PARM1: variants seen among roughly 807,000 people sequenced by gnomAD.
The protein encoded by PARM1 is WSC4, cell wall integrity and stress response component 4 homolog.
Under a neutral mutation model 24.6 loss-of-function variants are expected in PARM1, and 14 were observed. That is an observed-to-expected ratio of 0.57 (90% CI 0.38 to 0.89). The LOEUF is 0.89. PARM1 is among the 40% of genes least tolerant of loss of function. The probability of loss-of-function intolerance (pLI) is 0.00; values close to 1 mark genes in which losing one functional copy is unlikely to be tolerated. For synonymous variants in PARM1, 179 were observed against 156.6 expected (o/e 1.14, Z -1.07); for missense variants, 362 against 380.4 (o/e 0.95, Z 0.40).
At chr4:75,006,871 A>G (rs982806179) in intron 1 of PARM1, among the ~76,000 whole-genome samples, 1 of 152,218 alleles carries the variant, frequency 6.6e-6, no homozygotes, top group Non-Finnish European at 1.5e-5. Flanking sequence ...AAAATTGACA[A>G]ATGGGATCTA....
intron 1 of PARM1, among the ~76,000 whole-genome samples, chr4:74,944,443 G>GCTCTGA (rs1721370020): frequency 6.6e-6 from 1 of 152,128 alleles, no homozygotes; most frequent in South Asian, 2.1e-4. Context: ...TGTAAACAGA[G>GCTCTGA]GTGTGGCCCC....
intron 1 of PARM1, among the ~76,000 whole-genome samples, chr4:74,981,042 A>G (rs1022704695): frequency 6.6e-6 from 1 of 152,238 alleles, no homozygotes; most frequent in Non-Finnish European, 1.5e-5. Flanking sequence ...CATTCAGAAC[A>G]TAGGCACAGG....
rs1722245014 is a variant in PARM1 at position 74,981,076 on chromosome 4, C to T, written c.44-31349C>T. Among the ~76,000 whole-genome samples, 4 of 152,096 alleles carry T rather than the reference C, an allele frequency of 2.6e-5. 1 individual carries two copies. The South Asian group carries it at 8.3e-4, about 31-fold the overall frequency. On this transcript the variant is annotated intron_variant, in intron 1 of 3. Transcript: ENST00000307428. ...GGCAAAGATTTCCTTATGAAAATGT[C>T]AAAAGCAATTGCAACAAAAGCAAAC...
chr4:75,033,145 C>T (rs981254465), intron 2 of PARM1, among the ~76,000 whole-genome samples: 13 of 152,046 alleles, frequency 8.6e-5, no homozygotes, highest in Non-Finnish European at 1.2e-4. Flanking sequence ...ATAAAATATT[C>T]GCGTGACTTT....
At chr4:74,973,507 A>G (rs934031731) in intron 1 of PARM1, among the ~76,000 whole-genome samples, 2 of 132,936 alleles carry the variant, frequency 1.5e-5, no homozygotes, top group South Asian at 5.3e-4. Context: ...GTCCAGGGAT[A>G]GAGCTAGAGA....
At chr4:75,036,656 T>C (rs531204895) in intron 3 of PARM1, among the ~76,000 whole-genome samples, 1 of 152,212 alleles carries the variant, frequency 6.6e-6, no homozygotes, top group African/African-American at 2.4e-5. Flanking sequence ...GTACTTACCA[T>C]GTTTGGAAAA....
intron 1 of PARM1, among the ~76,000 whole-genome samples, chr4:74,951,109 T>G (rs2109984715): frequency 6.6e-6 from 1 of 152,326 alleles, no homozygotes; most frequent in Non-Finnish European, 1.5e-5. Flanking sequence ...GCCGTTCTGG[T>G]AACTCAGCCA....
In PARM1 at chr4:74,944,850, G is replaced by T. The variant is rs1277085; in HGVS notation, c.43+11480G>T. Among the ~76,000 whole-genome samples, 40 of 152,230 alleles carry T rather than the reference G, an allele frequency of 2.6e-4. No individual in the cohort carries two copies. In the South Asian group the frequency reaches 5.6e-3, roughly 21 times the overall value. ...AACAGCTGTCTCTTGTTTCAATGACGGTTTTTTAAAGCCACATTACACAGA... is the reference window on the plus strand; with the variant it reads ...AACAGCTGTCTCTTGTTTCAATGACTGTTTTTTAAAGCCACATTACACAGA... On this transcript the variant is annotated intron_variant, in intron 1 of 3. Transcript: ENST00000307428.
chr4:75,046,220 C>A lies in PARM1; in HGVS notation c.906C>A (p.Tyr302Ter). Residue 302 changes from tyrosine to a stop codon, truncating the protein, a stop_gained, in exon 4 of 4, where the codon TAC (tyrosine) becomes TAA (stop). Transcript: ENST00000307428. LOFTEE classifies it high-confidence loss of function. ...ATGACTACGGGTCCTGGGGAAACTA[C>A]AACAACCCTCTGTACGATGACTCCT... is the stretch of plus-strand genomic sequence containing the variant. ...DDHDYGSWGN[Y>*]NNPLYDDS 6.2e-7 allele frequency: 1 copy of A among 1,611,730 alleles called. No homozygotes were observed. Among genetic ancestry groups the A allele is most frequent in the South Asian group, 1.1e-5 (1 of 91,032 alleles).
intron 1 of PARM1, among the ~76,000 whole-genome samples, chr4:74,972,543 CT>C (rs1297587470): frequency 6.6e-6 from 1 of 152,096 alleles, no homozygotes; most frequent in Non-Finnish European, 1.5e-5. Flanking sequence ...AAAATTGTGT[CT>C]TTTAGTGCAG....
At position 75,046,156 on chromosome 4, in the gene PARM1, C is replaced by T; in HGVS notation, c.849-7C>T. The T allele has an allele frequency of 6.2e-7, 1 of 1,603,510 alleles. No homozygotes were observed. The highest frequency in any genetic ancestry group is 8.5e-7 in the Non-Finnish European group (1 of 1,170,482). Reference sequence around the variant, plus strand: ...GTAATCACAACCCTCTTCTGTTTCTCCACCAGGCATTCCTCCTATGGAAGA... The same window carrying T: ...GTAATCACAACCCTCTTCTGTTTCTTCACCAGGCATTCCTCCTATGGAAGA... On this transcript the variant is annotated splice_region_variant and splice_polypyrimidine_tract_variant and intron_variant, in intron 3 of 3. Transcript: ENST00000307428.
intron 1 of PARM1, among the ~76,000 whole-genome samples, chr4:74,935,190 G>A (rs1447684436): frequency 6.6e-6 from 1 of 151,880 alleles, no homozygotes; most frequent in African/African-American, 2.4e-5. Context: ...TGTGAGGCTC[G>A]AGACTCAGGA....
intron 1 of PARM1, among the ~76,000 whole-genome samples, chr4:74,966,449 C>A (rs1721903864): frequency 6.6e-6 from 1 of 152,146 alleles, no homozygotes; most frequent in Admixed American, 6.5e-5. Context: ...GCTAAACCAA[C>A]TGAAGAGGAT....
At chr4:74,937,764 A>G (rs963128529) in intron 1 of PARM1, among the ~76,000 whole-genome samples, 3 of 152,248 alleles carry the variant, frequency 2.0e-5, no homozygotes, top group East Asian at 1.9e-4. Context: ...TACTTGAACT[A>G]TGTAAATCAA....
intron 1 of PARM1, chr4:74,956,272 A>G (rs1482194980): frequency 6.6e-6 from 1 of 152,186 alleles, no homozygotes; most frequent in Non-Finnish European, 1.5e-5. Context: ...CATTGTACCC[A>G]CAGCTGTCTC....
At chr4:74,959,307 C>G (rs1287171325) in intron 1 of PARM1, among the ~76,000 whole-genome samples, 1 of 152,192 alleles carries the variant, frequency 6.6e-6, no homozygotes, top group East Asian at 1.9e-4. Context: ...TTGATTTGCA[C>G]AGGGTCACAT....
At chr4:74,959,030 T>C (rs1721706012) in intron 1 of PARM1, among the ~76,000 whole-genome samples, 1 of 152,234 alleles carries the variant, frequency 6.6e-6, no homozygotes, top group Non-Finnish European at 1.5e-5. Flanking sequence ...AAATGTTTTC[T>C]GTCAGTGTTG....
chr4:74,936,640 A>G (rs1721198320), intron 1 of PARM1, among the ~76,000 whole-genome samples: 4 of 151,886 alleles, frequency 2.6e-5, no homozygotes, highest in Admixed American at 2.6e-4. Context: ...TATTTTTAGT[A>G]GAGACGGGGT....
Position 75,047,543 on chromosome 4 carries a change from G to A in PARM1, c.*1296G>A, listed in dbSNP as rs1723631724. On this transcript the variant is annotated 3_prime_UTR_variant, in exon 4 of 4. Coordinates refer to ENST00000307428, the MANE Select transcript of PARM1 (RefSeq NM_015393.4). The stretch of plus-strand genomic sequence containing the variant: ...ATTTTGCCCCCTGACTCCACCCCAG[G>A]GACATTCAAAAATGTCTGGTGACAG... 1 of 152,124 alleles carries A rather than the reference G, an allele frequency of 6.6e-6. No homozygotes were observed. 9.4% of individuals were successfully genotyped at this position (152,124 alleles called of 1,614,324 possible). A position where few individuals can be genotyped will look rare whatever the true frequency, so the allele number is the denominator to read the frequency against.
Sources: allele counts gnomAD v4.1 joint callset (sites outside exome capture counted in the v4.1 genomes callset), GRCh38; gene constraint gnomAD v4.1.1; transcripts MANE v1.5; gene names NCBI Gene and HGNC (gene_info 2026-07-23, HGNC 2026-07-21).